Variants in KCNAB1 observed in about 807,000 individuals in gnomAD.
KCNAB1 encodes the protein voltage-gated potassium channel subunit beta-1.
Under a neutral mutation model 64.6 loss-of-function variants are expected in KCNAB1, and 35 were observed. The ratio of observed to expected loss-of-function variants is 0.54; its 90% confidence interval spans 0.41 to 0.72. The LOEUF (loss-of-function observed/expected upper bound fraction) is 0.72. KCNAB1 is among the 30% of genes least tolerant of loss of function. The pLI is 0.00. For missense variants in KCNAB1, 401 were observed against 512.9 expected (o/e 0.78, Z 2.11); for synonymous variants, 177 against 183.8 (o/e 0.96, Z 0.30).
At position 156,535,494 on chromosome 3, in the gene KCNAB1, A is replaced by G. The variant is rs11916465; in HGVS notation, c.1171-1164A>G. ...CAGCATGTCGGTGCAAATGACTCAC[A>G]AACCCTCAACTCCAGTCCTCCGGCA... On this transcript the variant is annotated intron_variant, in intron 13 of 13. Transcript: ENST00000490337. Among the ~76,000 whole-genome samples, 264 of 152,192 alleles carry G rather than the reference A, an allele frequency of 1.7e-3. 2 individuals are homozygous for G. The highest frequency in any genetic ancestry group is 6.2e-3 in the African/African-American group (258 of 41,510).
At chr3:156,363,986 C>T (rs900464716) in intron 1 of KCNAB1, among the ~76,000 whole-genome samples, 4 of 152,174 alleles carry the variant, frequency 2.6e-5, no homozygotes, top group Admixed American at 1.3e-4. Context: ...GTGTGTTGTG[C>T]TTATGTACTT....
intron 1 of KCNAB1, among the ~76,000 whole-genome samples, chr3:156,374,538 G>A (rs968273339): frequency 2.2e-5 from 3 of 135,292 alleles, no homozygotes; most frequent in Admixed American, 7.0e-5. Context: ...TTAATTCCTA[G>A]CAATAGGTAG....
chr3:156,444,349 G>C (rs1010635528), intron 2 of KCNAB1, among the ~76,000 whole-genome samples: 1 of 152,190 alleles, frequency 6.6e-6, no homozygotes, highest in African/African-American at 2.4e-5. Flanking sequence ...CTGTGTGGGG[G>C]TCCTGGGGGA....
intron 1 of KCNAB1, among the ~76,000 whole-genome samples, chr3:156,245,210 A>G (rs1241014414): frequency 6.6e-6 from 1 of 152,192 alleles, no homozygotes; most frequent in Non-Finnish European, 1.5e-5. Context: ...TAGGAGAGGT[A>G]TCTCCTAGCG....
intron 1 of KCNAB1, among the ~76,000 whole-genome samples, chr3:156,288,105 G>C (rs1051029191): frequency 2.0e-5 from 3 of 152,150 alleles, no homozygotes; most frequent in African/African-American, 7.2e-5. Context: ...TTTTCTCTGA[G>C]GCTTTTGTCC....
intron 1 of KCNAB1, among the ~76,000 whole-genome samples, chr3:156,412,975 G>T (rs1006940374): frequency 1.3e-5 from 2 of 152,350 alleles, no homozygotes; most frequent in South Asian, 4.1e-4. Flanking sequence ...CAGATGAGGT[G>T]ACCAGCAGGT....
intron 1 of KCNAB1, among the ~76,000 whole-genome samples, chr3:156,123,856 C>T (rs1713493696): frequency 6.6e-6 from 1 of 151,938 alleles, no homozygotes. Context: ...TTTCTGTTTA[C>T]AAAAGTAACA....
chr3:156,264,579 A>T (rs1355274648), intron 1 of KCNAB1, among the ~76,000 whole-genome samples: 1 of 152,086 alleles, frequency 6.6e-6, no homozygotes, highest in Non-Finnish European at 1.5e-5. Flanking sequence ...ATGCACTTTA[A>T]CTTATCACAA....
intron 1 of KCNAB1, among the ~76,000 whole-genome samples, chr3:156,316,462 G>A (rs1205615753): frequency 1.3e-5 from 2 of 152,246 alleles, no homozygotes; most frequent in African/African-American, 4.8e-5. Context: ...CCCATAACAG[G>A]TCAGTCTCAG....
intron 12 of KCNAB1, among the ~76,000 whole-genome samples, chr3:156,528,304 T>C (rs1718467935): frequency 6.6e-6 from 1 of 152,238 alleles, no homozygotes; most frequent in African/African-American, 2.4e-5. Flanking sequence ...AGAGTATCAG[T>C]TGACAATATG....
chr3:156,478,145 T>C (rs1714510727), intron 8 of KCNAB1, among the ~76,000 whole-genome samples: 1 of 152,160 alleles, frequency 6.6e-6, no homozygotes, highest in Non-Finnish European at 1.5e-5. Flanking sequence ...CACCAGATAG[T>C]TGTCCAACCT....
chr3:156,396,355 A>G (rs533337585), intron 1 of KCNAB1, among the ~76,000 whole-genome samples: 1 of 152,376 alleles, frequency 6.6e-6, no homozygotes, highest in African/African-American at 2.4e-5. Flanking sequence ...TTTAAAAACT[A>G]TAAAGTTAAA....
At chr3:156,302,852 A>C (rs770354187) in intron 1 of KCNAB1, among the ~76,000 whole-genome samples, 5 of 152,204 alleles carry the variant, frequency 3.3e-5, no homozygotes, top group Non-Finnish European at 5.9e-5. Context: ...CTCATGACTT[A>C]AAAATATATC....
intron 2 of KCNAB1, among the ~76,000 whole-genome samples, chr3:156,440,587 T>G (rs1716922007): frequency 6.6e-6 from 1 of 152,250 alleles, no homozygotes; most frequent in African/African-American, 2.4e-5. Context: ...TTTTCTTCTT[T>G]AACATGTTAA....
chr3:156,238,353 C>T (rs1215707355), intron 1 of KCNAB1, among the ~76,000 whole-genome samples: 1 of 139,896 alleles, frequency 7.1e-6, no homozygotes, highest in African/African-American at 2.7e-5. Context: ...ACCCGGGAGG[C>T]GGAACTTGCA....
At position 156,513,329 on chromosome 3, in the gene KCNAB1, G is replaced by A. The variant is rs989096215; in HGVS notation, c.659-1035G>A. Among the ~76,000 whole-genome samples, 3 of 151,546 alleles carry A rather than the reference G, an allele frequency of 2.0e-5. No homozygotes were observed. The East Asian group carries it at 5.8e-4, about 29-fold the overall frequency. ...TTCCGTATCAATCTAGACAGTGCCTGCTCATGAGAAATAATAATAATAATA... is the reference window on the plus strand; with the variant it reads ...TTCCGTATCAATCTAGACAGTGCCTACTCATGAGAAATAATAATAATAATA... On this transcript the variant is annotated intron_variant, in intron 8 of 13. Transcript: ENST00000490337.
At chr3:156,437,911 G>C (rs1168961577) in intron 2 of KCNAB1, among the ~76,000 whole-genome samples, 1 of 152,130 alleles carries the variant, frequency 6.6e-6, no homozygotes, top group African/African-American at 2.4e-5. Flanking sequence ...GCTTCTCACT[G>C]TACTGGGACC....
chr3:156,311,720 A>T lies in KCNAB1; in HGVS notation c.276-109896A>T, dbSNP rs529972493. 3.9e-3 allele frequency among the ~76,000 whole-genome samples: 599 copies of T among 152,288 alleles called. 4 individuals are homozygous for T. Among genetic ancestry groups the T allele is most frequent in the African/African-American group, 0.014 (574 of 41,562 alleles). On this transcript the variant is annotated intron_variant, in intron 1 of 13. Coordinates refer to ENST00000490337, the MANE Select transcript of KCNAB1 (RefSeq NM_172160.3). Reference sequence around the variant, plus strand: ...GCCTTAGGAAGATGGCTGGTGTGTGAGAGAGAGAAGAAGCAAAGGTGCTCC... The same window carrying T: ...GCCTTAGGAAGATGGCTGGTGTGTGTGAGAGAGAAGAAGCAAAGGTGCTCC...
At chr3:156,177,418 C>T (rs775098313) in intron 1 of KCNAB1, among the ~76,000 whole-genome samples, 3 of 152,088 alleles carry the variant, frequency 2.0e-5, no homozygotes, top group African/African-American at 7.2e-5. Flanking sequence ...TCTCTGTCGC[C>T]GAGGCTGGAG....
Sources: gnomAD v4.1 joint callset for allele counts (sites outside exome capture counted in the v4.1 genomes callset) on GRCh38, gnomAD v4.1.1 for gene constraint, MANE v1.5 for transcripts, NCBI Gene and HGNC (gene_info 2026-07-23, HGNC 2026-07-21) for gene names.